The following ANKRD26 variants were observed in gnomAD, a reference collection of about 807,000 sequenced individuals.
The protein encoded by ANKRD26 is ankyrin repeat domain-containing protein 26.
ANKRD26 carries 141 observed loss-of-function variants against 208.7 expected under a neutral mutation model. The ratio of observed to expected loss-of-function variants is 0.68; its 90% CI spans 0.59 to 0.78. ANKRD26 has a LOEUF of 0.78. ANKRD26 is among the 30% of genes least tolerant of loss of function. ANKRD26 has a pLI of 0.00. For missense variants in ANKRD26, 1,889 were observed against 1,938.7 expected (o/e 0.97, Z 0.48); for synonymous variants, 636 against 660.4 (o/e 0.96, Z 0.57).
At chr10:27,030,917 T>C (rs1303016917) in intron 25 of ANKRD26, among the ~76,000 whole-genome samples, 1 of 152,190 alleles carries the variant, frequency 6.6e-6, no homozygotes, top group African/African-American at 2.4e-5. Flanking sequence ...TCAGATATTA[T>C]TCACCTCGTA....
chr10:27,005,782 T>A, intron 33 of ANKRD26, 59 bp from the exon 34 acceptor site: 2 of 1,557,468 alleles, frequency 1.3e-6, no homozygotes, highest in Admixed American at 4.0e-5. Context: ...GTTAACTAAG[T>A]GGAAGTCAGT....
chr10:27,051,095 C>G (rs1321817362), intron 16 of ANKRD26: 1 of 1,283,598 alleles, frequency 7.8e-7, no homozygotes, highest in Non-Finnish European at 1.0e-6. Context: ...TCTCCAAAGC[C>G]TGGAACTCTA....
intron 24 of ANKRD26, among the ~76,000 whole-genome samples, chr10:27,034,468 A>G (rs2053978090): frequency 6.6e-6 from 1 of 152,226 alleles, no homozygotes; most frequent in Non-Finnish European, 1.5e-5. Context: ...GTGGCAGACA[A>G]ATGGAAATGT....
At position 27,037,298 on chromosome 10, in the gene ANKRD26, T is replaced by C. The variant is rs2054076486; in HGVS notation, c.2585A>G (p.Gln862Arg). 6.2e-7 allele frequency: 1 copy of C among 1,613,942 alleles called. No individual in the cohort carries two copies. The change falls in exon 23 of 34, where the codon CAG becomes CGG. Residue 862 changes from glutamine (Q) to arginine (R), a missense_variant. Physicochemically the swap from Gln to Arg is conservative, Grantham distance 43. Around this residue, in one of 3 missense-constraint regions of ANKRD26, gnomAD observed 1,272 missense variants for 1,273.8 expected, o/e 1.00. Coordinates refer to ENST00000376087, the MANE Select transcript of ANKRD26 (RefSeq NM_014915.3). ...NQVVQERNDA[Q>R]RQLSREQNAR... ...ATTCTGTTCTCGAGAAAGTTGCCTC[T>C]GAGCGTCATTTCGCTCTTGAACGAC...
chr10:27,012,981 A>G lies in ANKRD26; in HGVS notation c.4854T>C (p.Ser1618=). Residue 1618 remains serine, a synonymous_variant, in exon 32 of 34, where the codon AGT becomes AGC. Coordinates refer to ENST00000376087, the MANE Select transcript of ANKRD26 (RefSeq NM_014915.3). ...EPPCVGNLNN[S]LDLNRKLIPR... is the part of the protein sequence containing the mutation. ...GAATAAGTTTTCTGTTGAGATCTAA[A>G]CTATTATTAAGATTTCCCACACAAG... is the stretch of plus-strand genomic sequence containing the variant. The G allele has an allele frequency of 6.2e-7, 1 of 1,614,076 alleles. No individual in the cohort carries two copies. Among genetic ancestry groups the G allele is most frequent in the South Asian group, 1.1e-5 (1 of 91,084 alleles).
At chr10:27,063,540 C>T (rs1589312517) in intron 12 of ANKRD26, among the ~76,000 whole-genome samples, 2 of 152,206 alleles carry the variant, frequency 1.3e-5, no homozygotes, top group East Asian at 1.9e-4. Flanking sequence ...AGGCTGGTCT[C>T]GGACTCCTGA....
At chr10:27,050,292 T>A (rs1394884413) in intron 16 of ANKRD26, among the ~76,000 whole-genome samples, 1 of 149,862 alleles carries the variant, frequency 6.7e-6, no homozygotes, top group Non-Finnish European at 1.5e-5. Flanking sequence ...TTATTGTTTA[T>A]CTTTACAACT....
intron 5 of ANKRD26, among the ~76,000 whole-genome samples, chr10:26,980,465 A>G (rs770718617): frequency 5.3e-5 from 8 of 152,220 alleles, no homozygotes; most frequent in Non-Finnish European, 5.9e-5. Context: ...TGACCTGACA[A>G]TGAGCTCAAA....
chr10:27,080,838 A>G, intron 6 of ANKRD26: 1 of 985,376 alleles, frequency 1.0e-6, no homozygotes, highest in South Asian at 4.7e-5. Context: ...CAACTACCCA[A>G]CTCCATGATT....
In ANKRD26 at chr10:27,033,287, G is replaced by C. The variant is rs747558945; in HGVS notation, c.3745C>G (p.Arg1249Gly). Reference sequence around the variant, plus strand: ...TGTGTCTCATCTTCTAAATTAATACGATAACGTGACGTAACCTCCAGTGAA... The same window carrying C: ...TGTGTCTCATCTTCTAAATTAATACCATAACGTGACGTAACCTCCAGTGAA... ...EASLEVTSRY[R>G]INLEDETQDL... Residue 1249 changes from arginine to glycine, a missense_variant, in exon 25 of 34, where the codon CGT becomes GGT. Around this residue, in one of 3 missense-constraint regions of ANKRD26, gnomAD observed 613 missense variants for 648.2 expected, o/e 0.95. Transcript: ENST00000376087. The C allele has an allele frequency of 6.2e-7, 1 of 1,612,204 alleles. No individual in the cohort carries two copies. The highest frequency in any genetic ancestry group is 2.2e-5 in the East Asian group (1 of 44,754).
chr10:27,064,759 T>A (rs1238236102), intron 11 of ANKRD26, among the ~76,000 whole-genome samples: 1 of 152,144 alleles, frequency 6.6e-6, no homozygotes, highest in Non-Finnish European at 1.5e-5. Context: ...TTTTGCTTTA[T>A]GTTATGTCTA....
chr10:27,066,601 T>G, intron 10 of ANKRD26, 53 bp from the exon 11 acceptor site: 3 of 1,187,794 alleles, frequency 2.5e-6, no homozygotes, highest in Non-Finnish European at 2.4e-6. Context: ...TATTGTAAAT[T>G]TTAAATACAT....
intron 30 of ANKRD26, 68 bp from the exon 31 acceptor site, chr10:27,014,779 G>C: frequency 3.9e-6 from 5 of 1,273,028 alleles, no homozygotes; most frequent in Non-Finnish European, 5.6e-6. Context: ...CACCTACTCG[G>C]TGTCTAAGGG....
rs550326205 is a variant in ANKRD26 at position 27,091,918 on chromosome 10, T to C, written c.638+488A>G. 4.1e-4 allele frequency among the ~76,000 whole-genome samples: 61 copies of C among 150,038 alleles called. 1 individual carries two copies. In the South Asian group the frequency reaches 0.013, roughly 31 times the overall value. On this transcript the variant is annotated intron_variant, in intron 4 of 33. Coordinates refer to ENST00000376087, the MANE Select transcript of ANKRD26 (RefSeq NM_014915.3). The stretch of plus-strand genomic sequence containing the variant: ...AGGAGAATCGCTTGAACCCAGGAGG[T>C]GGAGGTTGCAGTGAGCTGAGATTGC...
At chr10:26,971,971 C>T (rs997590955), downstream of ANKRD26, among the ~76,000 whole-genome samples, 6 of 152,262 alleles carry the variant, frequency 3.9e-5, no homozygotes, top group African/African-American at 1.4e-4. Flanking sequence ...CGCAGTGGCT[C>T]ACGCCTGTAA....
At position 27,100,220 on chromosome 10, in the gene ANKRD26, G is replaced by C; in HGVS notation, c.107C>G (p.Ser36Trp). The C allele has an allele frequency of 1.2e-6, 2 of 1,613,116 alleles. No individual in the cohort carries two copies. Among genetic ancestry groups the C allele is most frequent in the Non-Finnish European group, 8.5e-7 (1 of 1,179,866 alleles). The change falls in exon 1 of 34, where the codon TCG (serine) becomes TGG (tryptophan). Residue 36 changes from serine to tryptophan, a missense_variant. By Grantham distance (177) the Ser-to-Trp change is radical (BLOSUM62 -3). This residue lies in a region of ANKRD26 where 1,272 missense variants were observed against 1,273.8 expected (regional missense o/e 1.00). Coordinates refer to ENST00000376087, the MANE Select transcript of ANKRD26 (RefSeq NM_014915.3). ...GGGEPGEGAY[S>W]QPGYHVRDRD... Reference sequence around the variant, plus strand: ...GTCTCGGACGTGGTAGCCGGGCTGCGAGTAGGCGCCCTCCCCCGGCTCGCC... The same window carrying C: ...GTCTCGGACGTGGTAGCCGGGCTGCCAGTAGGCGCCCTCCCCCGGCTCGCC...
At position 27,048,905 on chromosome 10, in the gene ANKRD26, A is replaced by T. The variant is rs753509792; in HGVS notation, c.1710T>A (p.Asp570Glu). 10 of 1,612,786 alleles carry T rather than the reference A, an allele frequency of 6.2e-6. No individual in the cohort carries two copies. In the South Asian group the frequency reaches 6.6e-5, roughly 11 times the overall value. The change falls in exon 17 of 34, where the codon GAT (aspartate) becomes GAA (glutamate). Residue 570 changes from aspartate to glutamate, a missense_variant. By Grantham distance (45) the Asp-to-Glu change is conservative. Coordinates refer to ENST00000376087, the MANE Select transcript of ANKRD26 (RefSeq NM_014915.3). ...VSANIHDGAT[D>E]DAEDDDDDDG... ...CATCATCATCATCATCTTCAGCATC[A>T]TCAGTAGCACCATCATGTATGTTTG...
the ANKRD26 span, among the ~76,000 whole-genome samples, chr10:26,961,484 T>G: frequency 6.6e-6 from 1 of 152,094 alleles, no homozygotes; most frequent in Non-Finnish European, 1.5e-5. Flanking sequence ...GCTCAGCCAC[T>G]TGCTCAATGG....
chr10:27,090,452 G>A (rs1477622128), intron 4 of ANKRD26, among the ~76,000 whole-genome samples: 1 of 152,052 alleles, frequency 6.6e-6, no homozygotes. Flanking sequence ...CTTTAATAAG[G>A]TTATGTGCAC....
Sources: allele counts gnomAD v4.1 joint callset (sites outside exome capture counted in the v4.1 genomes callset), GRCh38; gene constraint gnomAD v4.1.1; regional missense constraint gnomAD v4.1.1; transcripts MANE v1.5; gene names NCBI Gene and HGNC (gene_info 2026-07-23, HGNC 2026-07-21).